PLCG2: variants seen among roughly 807,000 people sequenced by gnomAD.
PLCG2 encodes the protein phospholipase C gamma 2.
In PLCG2, 69 loss-of-function variants were observed where a neutral mutation model predicts 175.6. That is an observed-to-expected ratio of 0.39 (90% CI 0.32 to 0.48). The LOEUF (loss-of-function observed/expected upper bound fraction) is 0.48, where lower values mean the gene tolerates loss of function less well. PLCG2 is among the 20% of genes least tolerant of loss of function. The pLI, the probability that PLCG2 is intolerant of heterozygous loss-of-function variation, is 0.91. For synonymous variants in PLCG2, 827 were observed against 624.0 expected, an observed-to-expected ratio of 1.33 and a Z score of -4.85; for missense variants, 1,798 against 1,650.9, an observed-to-expected ratio of 1.09 and a Z score of -1.54.
intron 1 of PLCG2, among the ~76,000 whole-genome samples, chr16:81,781,694 G>A (rs931885625): frequency 8.5e-5 from 13 of 152,130 alleles, no homozygotes; most frequent in Non-Finnish European, 1.5e-4. Flanking sequence ...CCCTTGAACT[G>A]TTGGAGGGGC....
At chr16:81,943,105 G>A (rs1381093696) in intron 30 of PLCG2, among the ~76,000 whole-genome samples, 1 of 151,990 alleles carries the variant, frequency 6.6e-6, no homozygotes, top group Non-Finnish European at 1.5e-5. Flanking sequence ...GAGTGTAGGG[G>A]CTACCTGATA....
At chr16:81,826,398 C>T (rs1004373611) in intron 2 of PLCG2, among the ~76,000 whole-genome samples, 11 of 152,160 alleles carry the variant, frequency 7.2e-5, no homozygotes, top group Non-Finnish European at 1.5e-4. Flanking sequence ...GGCAGGTTCC[C>T]TGGGCTCCAG....
At position 81,937,780 on chromosome 16, in the gene PLCG2, C is replaced by A. The variant is rs368241065; in HGVS notation, c.3075C>A (p.His1025Gln). The change falls in exon 28 of 33, where the codon CAC becomes CAA. Residue 1025 changes from histidine (H) to glutamine (Q), a missense_variant. By Grantham distance (24) the His-to-Gln change is conservative (BLOSUM62 0). Transcript: ENST00000564138. The stretch of plus-strand genomic sequence containing the variant: ...CAGATAAGTACATGCAGATGAATCA[C>A]GCATTGTTTTCTCTCAATGGGCGCA... ...QTADKYMQMN[H>Q]ALFSLNGRTG... 1.2e-6 allele frequency: 2 copies of A among 1,613,932 alleles called. No homozygotes were observed. The highest frequency in any genetic ancestry group is 2.2e-5 in the East Asian group (1 of 44,850).
intron 2 of PLCG2, among the ~76,000 whole-genome samples, chr16:81,828,503 G>A (rs1905135552): frequency 6.6e-6 from 1 of 152,082 alleles, no homozygotes; most frequent in Non-Finnish European, 1.5e-5. Flanking sequence ...CTCCCAAAGT[G>A]GTGGGATTAC....
intron 2 of PLCG2, among the ~76,000 whole-genome samples, chr16:81,816,262 T>G (rs4889402): frequency 1 from 151,439 of 152,174 alleles, 75,355 homozygotes; most frequent in South Asian, 1. Context: ...TCCCAGCTAC[T>G]TGGGAGGCAG....
chr16:81,892,939 G>A lies in PLCG2; in HGVS notation c.987-770G>A, dbSNP rs560741599. 9.8e-4 allele frequency among the ~76,000 whole-genome samples: 148 copies of A among 151,030 alleles called. 1 individual carries two copies. The highest frequency in any genetic ancestry group is 1.7e-3 in the Non-Finnish European group (115 of 67,866). ...CTCAGCTCACAACCTCCGCTTTCCC[G>A]GTTCAACAGATTCTCCTGCCTCAGC... On this transcript the variant is annotated intron_variant, in intron 11 of 32. Transcript: ENST00000564138.
intron 2 of PLCG2, among the ~76,000 whole-genome samples, chr16:81,813,116 G>A (rs1904390312): frequency 6.6e-6 from 1 of 152,178 alleles, no homozygotes; most frequent in Non-Finnish European, 1.5e-5. Flanking sequence ...CATGATGCCT[G>A]CAGCTTGTTC....
chr16:81,833,576 C>T (rs1281344755), intron 2 of PLCG2, among the ~76,000 whole-genome samples: 1 of 149,444 alleles, frequency 6.7e-6, no homozygotes, highest in Non-Finnish European at 1.5e-5. Context: ...GTCACCCAGG[C>T]TGGAGTGCGG....
At chr16:81,845,536 T>C (rs981963484) in intron 2 of PLCG2, among the ~76,000 whole-genome samples, 3 of 152,298 alleles carry the variant, frequency 2.0e-5, no homozygotes, top group South Asian at 4.1e-4. Flanking sequence ...GGTTCCAGAG[T>C]CTGTCCACCT....
chr16:81,860,078 C>T (rs1475956447), intron 5 of PLCG2, among the ~76,000 whole-genome samples: 1 of 151,698 alleles, frequency 6.6e-6, no homozygotes, highest in Non-Finnish European at 1.5e-5. Flanking sequence ...TCAAACGATC[C>T]TCCCGCCTCA....
chr16:81,866,141 CA>C (rs35825904), intron 5 of PLCG2, among the ~76,000 whole-genome samples: 359 of 115,398 alleles, frequency 3.1e-3, no homozygotes, highest in African/African-American at 0.011. Flanking sequence ...GGGTGAGCTC[CA>C]ACTGGGGCAC....
chr16:81,862,220 G>A (rs964368332), intron 5 of PLCG2, among the ~76,000 whole-genome samples: 2 of 152,252 alleles, frequency 1.3e-5, no homozygotes, highest in Non-Finnish European at 2.9e-5. Context: ...AAGGCGAGAG[G>A]GGGCAGGCTC....
intron 19 of PLCG2, among the ~76,000 whole-genome samples, chr16:81,914,622 C>A (rs563681529): frequency 2.0e-5 from 3 of 152,152 alleles, no homozygotes; most frequent in Non-Finnish European, 2.9e-5. Flanking sequence ...TACTGTGTGC[C>A]GGGCCCTGTG....
At chr16:81,892,082 A>C (rs1908663480) in intron 11 of PLCG2, among the ~76,000 whole-genome samples, 1 of 152,150 alleles carries the variant, frequency 6.6e-6, no homozygotes, top group African/African-American at 2.4e-5. Context: ...TGATGTGGGG[A>C]GCAGGTGGTA....
chr16:81,852,480 G>C (rs1451635876), intron 2 of PLCG2, among the ~76,000 whole-genome samples: 1 of 139,116 alleles, frequency 7.2e-6, no homozygotes, highest in Non-Finnish European at 1.6e-5. Context: ...GAAGGGACTG[G>C]TTGAGCTTGT....
intron 1 of PLCG2, among the ~76,000 whole-genome samples, chr16:81,752,124 A>T (rs1191081803): frequency 6.6e-6 from 1 of 152,160 alleles, no homozygotes; most frequent in Non-Finnish European, 1.5e-5. Context: ...CCCGTCTATC[A>T]CGTATGAACT....
rs538412155 is a variant in PLCG2, at chr16:81,756,943, G to T, written c.-48+977G>T. 7.9e-5 allele frequency among the ~76,000 whole-genome samples: 12 copies of T among 152,302 alleles called. No homozygotes were observed. In the East Asian group the frequency reaches 1.7e-3, roughly 22 times the overall value. On this transcript the variant is annotated intron_variant, in intron 2 of 5. Transcript: ENST00000565054. ...CTCTACGCCTGTTTTTAGAAATTGT[G>T]TATGGGATTCCAGTGGTTCCTACTT...
chr16:81,854,342 G>A (rs1906572840), intron 2 of PLCG2, 102 bp from the exon 3 acceptor site: 2 of 1,041,934 alleles, frequency 1.9e-6, no homozygotes, highest in South Asian at 1.4e-5. Context: ...ATCCTGTTGG[G>A]GAAGGAAGGA....
At chr16:81,818,252 C>G (rs538594609) in intron 2 of PLCG2, among the ~76,000 whole-genome samples, 2 of 152,234 alleles carry the variant, frequency 1.3e-5, no homozygotes, top group Non-Finnish European at 2.9e-5. Flanking sequence ...TCAGTCAGCT[C>G]CTCACTTCCT....
Sources: gnomAD v4.1 joint callset for allele counts (sites outside exome capture counted in the v4.1 genomes callset) on GRCh38, gnomAD v4.1.1 for gene constraint, MANE v1.5 for transcripts, NCBI Gene and HGNC (gene_info 2026-07-23, HGNC 2026-07-21) for gene names.